The following CDH13 variants were observed in gnomAD, a reference collection of about 807,000 sequenced individuals.
CDH13 encodes cadherin 13.
Under a neutral mutation model 63.8 loss-of-function variants are expected in CDH13, and 24 were observed. The ratio of observed to expected loss-of-function variants is 0.38; its 90% CI spans 0.27 to 0.53. The LOEUF (loss-of-function observed/expected upper bound fraction) is 0.53, where lower values mean the gene tolerates loss of function less well. CDH13 is among the 20% of genes least tolerant of loss of function. The pLI, the probability that CDH13 is intolerant of heterozygous loss-of-function variation, is 0.85. For missense variants in CDH13, 1,049 were observed against 903.1 expected (o/e 1.16, Z -2.07); for synonymous variants, 503 against 355.3 (o/e 1.42, Z -4.67).
At chr16:82,889,896 G>T (rs187608543) in intron 2 of CDH13, among the ~76,000 whole-genome samples, 1 of 152,188 alleles carries the variant, frequency 6.6e-6, no homozygotes, top group Non-Finnish European at 1.5e-5. Context: ...TTGCTCAAGA[G>T]AGTATAGACT....
intron 4 of CDH13, among the ~76,000 whole-genome samples, chr16:83,144,334 T>G (rs2151681923): frequency 6.6e-6 from 1 of 152,322 alleles, no homozygotes; most frequent in African/African-American, 2.4e-5. Flanking sequence ...ACCAATATGC[T>G]ACTGTATTTA....
intron 4 of CDH13, among the ~76,000 whole-genome samples, chr16:83,185,624 C>T (rs1307675009): frequency 6.6e-6 from 1 of 152,208 alleles, no homozygotes; most frequent in Admixed American, 6.5e-5. Context: ...ACACTCCCAC[C>T]CATGCCTCTG....
intron 2 of CDH13, chr16:82,884,299 C>T (rs961043007): frequency 6.9e-6 from 3 of 435,586 alleles, no homozygotes; most frequent in Non-Finnish European, 1.4e-5. Flanking sequence ...CAGAGGCATG[C>T]TATTGAGAAA....
intron 2 of CDH13, among the ~76,000 whole-genome samples, chr16:83,019,069 GCTTT>G (rs1310104825): frequency 2.0e-5 from 3 of 152,042 alleles, no homozygotes; most frequent in Admixed American, 6.6e-5. Flanking sequence ...ATAAGAAAAA[GCTTT>G]CTTTCTTCAA....
At chr16:83,666,065 G>T (rs1369538595) in intron 8 of CDH13, among the ~76,000 whole-genome samples, 1 of 152,168 alleles carries the variant, frequency 6.6e-6, no homozygotes, top group African/African-American at 2.4e-5. Context: ...TCTTGTATTT[G>T]ATTTGCCACA....
chr16:82,755,312 T>A (rs929014733), intron 1 of CDH13, among the ~76,000 whole-genome samples: 25 of 152,152 alleles, frequency 1.6e-4, no homozygotes, highest in Non-Finnish European at 1.0e-4. Flanking sequence ...AGTCTTCCTT[T>A]CTGACCCTCT....
At chr16:83,182,229 T>G (rs2038370215) in intron 4 of CDH13, among the ~76,000 whole-genome samples, 1 of 152,210 alleles carries the variant, frequency 6.6e-6, no homozygotes, top group African/African-American at 2.4e-5. Flanking sequence ...ATCACCATAT[T>G]GTCTCTTTCT....
rs1364119997 is a variant in CDH13 at position 83,232,297 on chromosome 16, A to G, written c.636+14800A>G. 3.6e-5 allele frequency among the ~76,000 whole-genome samples: 5 copies of G among 138,846 alleles called. No individual in the cohort carries two copies. In the East Asian group the frequency reaches 1.2e-3, roughly 33 times the overall value. 91.1% of individuals were successfully genotyped at this position (138,846 alleles called of 152,430 possible). A position where few individuals can be genotyped will look rare whatever the true frequency, so the allele number is the denominator to read the frequency against. On this transcript the variant is annotated intron_variant, in intron 5 of 13. Coordinates refer to ENST00000567109, the MANE Select transcript of CDH13 (RefSeq NM_001257.5). ...CTGAGTGCCTTGGGAAGCTGAGGCG[A>G]GCAGATCACTTGAGGTCAGGAGTTC...
chr16:83,146,961 A>G (rs1308606692), intron 4 of CDH13, among the ~76,000 whole-genome samples: 1 of 152,084 alleles, frequency 6.6e-6, no homozygotes, highest in East Asian at 1.9e-4. Context: ...GGTGGCACAC[A>G]CTTGTAATCT....
intron 8 of CDH13, among the ~76,000 whole-genome samples, chr16:83,618,850 A>T (rs1909539489): frequency 6.6e-6 from 1 of 152,216 alleles, no homozygotes; most frequent in Non-Finnish European, 1.5e-5. Flanking sequence ...AAATGAAAGC[A>T]AGAAAATATT....
intron 6 of CDH13, among the ~76,000 whole-genome samples, chr16:83,446,812 T>G (rs2072701534): frequency 6.6e-6 from 1 of 152,134 alleles, no homozygotes; most frequent in South Asian, 2.1e-4. Context: ...AAGGAGTACA[T>G]GTAACAAATC....
intron 7 of CDH13, among the ~76,000 whole-genome samples, chr16:83,518,041 C>T (rs1054277678): frequency 4.6e-5 from 7 of 152,158 alleles, no homozygotes; most frequent in African/African-American, 1.7e-4. Context: ...TCATAATCTC[C>T]ACATGTCATA....
chr16:82,999,958 C>T (rs1912682986), intron 2 of CDH13, among the ~76,000 whole-genome samples: 1 of 152,098 alleles, frequency 6.6e-6, no homozygotes, highest in Non-Finnish European at 1.5e-5. Context: ...GGGGATGCTG[C>T]TGGCATCTTG....
intron 5 of CDH13, among the ~76,000 whole-genome samples, chr16:83,293,023 G>C (rs79967400): frequency 6.6e-6 from 1 of 152,140 alleles, no homozygotes; most frequent in African/African-American, 2.4e-5. Flanking sequence ...TTACTAAACA[G>C]ATAGTTGAGT....
chr16:83,148,144 G>C (rs956553389), intron 4 of CDH13, among the ~76,000 whole-genome samples: 3 of 152,118 alleles, frequency 2.0e-5, no homozygotes, highest in African/African-American at 4.8e-5. Context: ...CACCATTTTG[G>C]CCAGGCTGAT....
chr16:83,261,677 T>C (rs1263721806), intron 5 of CDH13, among the ~76,000 whole-genome samples: 1 of 151,422 alleles, frequency 6.6e-6, no homozygotes, highest in African/African-American at 2.4e-5. Flanking sequence ...AAAACTTGCA[T>C]GATAGTGACG....
intron 2 of CDH13, among the ~76,000 whole-genome samples, chr16:82,896,688 C>T (rs562560329): frequency 6.6e-6 from 1 of 150,622 alleles, no homozygotes; most frequent in Admixed American, 6.6e-5. Flanking sequence ...AGCTGTCAGA[C>T]CAGATGCAGG....
intron 8 of CDH13, among the ~76,000 whole-genome samples, chr16:83,634,239 AGAAGGG>A (rs1331652332): frequency 1.6e-4 from 24 of 152,138 alleles, no homozygotes; most frequent in Non-Finnish European, 2.1e-4. Context: ...GCATGGTCAC[AGAAGGG>A]CTACCTGTCT....
At chr16:83,483,181 G>A (rs2073812317) in intron 6 of CDH13, among the ~76,000 whole-genome samples, 1 of 152,176 alleles carries the variant, frequency 6.6e-6, no homozygotes. Flanking sequence ...CTTCAATGCT[G>A]CAAACCTATT....
Sources: gnomAD v4.1 joint callset for allele counts (sites outside exome capture counted in the v4.1 genomes callset) on GRCh38, gnomAD v4.1.1 for gene constraint, MANE v1.5 for transcripts, NCBI Gene and HGNC (gene_info 2026-07-23, HGNC 2026-07-21) for gene names.